The following TMEM266 variants were observed in gnomAD, a reference collection of about 807,000 sequenced individuals.
TMEM266 encodes transmembrane protein 266.
Under a neutral mutation model 50.5 loss-of-function variants are expected in TMEM266, and 33 were observed. The ratio of observed to expected loss-of-function variants is 0.65; its 90% CI spans 0.50 to 0.87. TMEM266 has a LOEUF of 0.87. Among genes scored for constraint, TMEM266 ranks in the 40% least tolerant of loss-of-function variants. TMEM266 has a pLI of 0.00. For synonymous variants in TMEM266, 310 were observed against 292.3 expected, an observed-to-expected ratio of 1.06 and a Z score of -0.62; for missense variants, 655 against 695.1, an observed-to-expected ratio of 0.94 and a Z score of 0.65.
intron 1 of TMEM266, among the ~76,000 whole-genome samples, chr15:76,104,609 G>GTTC (rs2037054361): frequency 6.6e-6 from 1 of 152,050 alleles, no homozygotes; most frequent in Non-Finnish European, 1.5e-5. Context: ...ATGAGGTCAG[G>GTTC]AGATGGAGAC....
At chr15:76,081,202 C>A (rs1221088168) in intron 1 of TMEM266, among the ~76,000 whole-genome samples, 4 of 152,334 alleles carry the variant, frequency 2.6e-5, no homozygotes, top group African/African-American at 9.6e-5. Context: ...GAAGGCAAGT[C>A]TCCGTGTTAC....
chr15:76,116,227 G>A (rs1244412226), intron 1 of TMEM266, among the ~76,000 whole-genome samples: 1 of 151,806 alleles, frequency 6.6e-6, no homozygotes, highest in Non-Finnish European at 1.5e-5. Context: ...CAAGCTCCGG[G>A]AGACACACAC....
intron 1 of TMEM266, among the ~76,000 whole-genome samples, chr15:76,123,698 C>T (rs2037377400): frequency 6.6e-6 from 1 of 151,522 alleles, no homozygotes; most frequent in Non-Finnish European, 1.5e-5. Context: ...ATATGCCTAT[C>T]CCCAAGGGAT....
At chr15:76,135,112 G>A (rs1037878662) in intron 2 of TMEM266, among the ~76,000 whole-genome samples, 2 of 152,178 alleles carry the variant, frequency 1.3e-5, no homozygotes, top group Admixed American at 6.5e-5. Flanking sequence ...CTAACATCTC[G>A]TTGGCAAAAA....
At chr15:76,085,375 A>C (rs1383401602) in intron 1 of TMEM266, among the ~76,000 whole-genome samples, 1 of 151,756 alleles carries the variant, frequency 6.6e-6, no homozygotes, top group African/African-American at 2.4e-5. Flanking sequence ...CTCGTGCCTC[A>C]GCCTCCTGAG....
At chr15:76,096,322 T>C (rs1370775423) in intron 1 of TMEM266, among the ~76,000 whole-genome samples, 2 of 152,090 alleles carry the variant, frequency 1.3e-5, no homozygotes, top group African/African-American at 2.4e-5. Flanking sequence ...TTCGTTCTCA[T>C]TGGTTTCAAA....
chr15:76,200,088 C>G (rs2038721349), intron 9 of TMEM266, among the ~76,000 whole-genome samples: 1 of 152,172 alleles, frequency 6.6e-6, no homozygotes. Context: ...TCCCCGCAGA[C>G]AGGGACTCCT....
chr15:76,169,747 T>C lies in TMEM266; in HGVS notation c.457-69T>C. On this transcript the variant is annotated intron_variant, in intron 5 of 10. Transcript: ENST00000388942. ...AATGCAGAAGCAGAGCTCTGAGTGC[T>C]GAGCTCTGGAATCTTCTCGGCTGGA... 2.0e-6 allele frequency: 3 copies of C among 1,496,530 alleles called. No individual in the cohort carries two copies. The South Asian group carries it at 3.4e-5, about 17-fold the overall frequency. The allele number at this position is 1,496,530 out of a possible 1,614,324, so 92.7% of individuals were successfully genotyped here. A position where few individuals can be genotyped will look rare whatever the true frequency, so the allele number is the denominator to read the frequency against.
chr15:76,195,476 T>G (rs1187273454), intron 9 of TMEM266, among the ~76,000 whole-genome samples: 1 of 152,258 alleles, frequency 6.6e-6, no homozygotes, highest in Admixed American at 6.5e-5. Context: ...ATCCACCTTC[T>G]TATTCTTTTT....
At chr15:76,114,149 T>C (rs1392387993) in intron 1 of TMEM266, 1 of 152,186 alleles carries the variant, frequency 6.6e-6, no homozygotes, top group Non-Finnish European at 1.5e-5. Context: ...TTAGACAGTA[T>C]AGAAAAATAT....
chr15:76,179,215 G>A (rs1173257076), intron 8 of TMEM266, among the ~76,000 whole-genome samples: 3 of 152,168 alleles, frequency 2.0e-5, no homozygotes. Context: ...TTGTGGCTTT[G>A]GGCATTAATG....
chr15:76,135,712 A>G (rs1485882949), intron 2 of TMEM266, among the ~76,000 whole-genome samples: 1 of 152,258 alleles, frequency 6.6e-6, no homozygotes, highest in Non-Finnish European at 1.5e-5. Context: ...ATGTCAAGCA[A>G]TGATGAGTAC....
intron 1 of TMEM266, among the ~76,000 whole-genome samples, chr15:76,103,276 G>T (rs2037032105): frequency 6.6e-6 from 1 of 152,058 alleles, no homozygotes; most frequent in Non-Finnish European, 1.5e-5. Context: ...GCCAAGGCAG[G>T]AGGATTGCTT....
rs1020978233 is a variant in TMEM266 at position 76,161,932 on chromosome 15, C to T, written c.456+1764C>T. On this transcript the variant is annotated intron_variant, in intron 5 of 10. Coordinates refer to ENST00000388942, the MANE Select transcript of TMEM266 (RefSeq NM_152335.3). The surrounding 1 kb of genome is among the most constrained non-coding windows in gnomAD (Gnocchi z 4.1). ...AACAAAAATGTTTAATCAGTTGCTG[C>T]GGTTCTTCCCCTCTATCCCTCTGCT... Among the ~76,000 whole-genome samples, 1 of 152,270 alleles carries T rather than the reference C, an allele frequency of 6.6e-6. No homozygotes were observed. Among genetic ancestry groups the T allele is most frequent in the Non-Finnish European group, 1.5e-5 (1 of 68,048 alleles).
rs2142044982 is a variant in TMEM266, at chr15:76,153,908, G to A, written c.228-2696G>A. 6.6e-6 allele frequency among the ~76,000 whole-genome samples: 1 copy of A among 152,272 alleles called. No individual in the cohort carries two copies. The highest frequency in any genetic ancestry group is 1.9e-4 in the East Asian group (1 of 5,176). On this transcript the variant is annotated intron_variant, in intron 3 of 10. Transcript: ENST00000388942. This position sits in a 1 kb window ranked among gnomAD's most constrained non-coding sequence, Gnocchi z 4.2. ...CTGCGGGCAGCAGCTTTAGGCTTCT[G>A]GGAGCCTCCAGCCCAGCAGGGCCAA...
At chr15:76,177,830 CA>C (rs2038315852) in intron 8 of TMEM266, among the ~76,000 whole-genome samples, 2 of 152,242 alleles carry the variant, frequency 1.3e-5, no homozygotes, top group African/African-American at 4.8e-5. Context: ...CCCTCGTCCT[CA>C]CGGGGCTCTG....
Position 76,169,845 on chromosome 15 carries a change from C to T in TMEM266, c.486C>T (p.Ile162=). The change falls in exon 6 of 11, where the codon ATC becomes ATT. Residue 162 remains isoleucine, a synonymous_variant. Transcript: ENST00000388942. ...LGIWDYIENK[I]EVFDGAVIIL... ...TTCTACGGATTGTGGTGCTTGGGATCTGGGATTACATCGAAAACAAAATAG... is the reference window on the plus strand; with the variant it reads ...TTCTACGGATTGTGGTGCTTGGGATTTGGGATTACATCGAAAACAAAATAG... 6.2e-7 allele frequency: 1 copy of T among 1,613,952 alleles called. No homozygotes were observed. The highest frequency in any genetic ancestry group is 1.3e-5 in the African/African-American group (1 of 75,028).
chr15:76,160,002 G>A lies in TMEM266; in HGVS notation c.383-93G>A. 1 of 1,236,502 alleles carries A rather than the reference G, an allele frequency of 8.1e-7. No individual in the cohort carries two copies. Among genetic ancestry groups the A allele is most frequent in the East Asian group, 2.4e-5 (1 of 41,954 alleles). 76.6% of individuals were successfully genotyped at this position (1,236,502 alleles called of 1,614,324 possible). A position where few individuals can be genotyped will look rare whatever the true frequency, so the allele number is the denominator to read the frequency against. ...AAACGTTCATGCAGGCGGGCCCCGG[G>A]GTCCCAGAGGTCTGGACGGATGCTG... On this transcript the variant is annotated intron_variant, in intron 4 of 10. Transcript: ENST00000388942. The surrounding 1 kb of genome is among the most constrained non-coding windows in gnomAD (Gnocchi z 5.7).
intron 1 of TMEM266, among the ~76,000 whole-genome samples, chr15:76,088,163 T>C (rs889032155): frequency 5.9e-5 from 9 of 152,212 alleles, no homozygotes; most frequent in African/African-American, 1.7e-4. Context: ...TGTCTTCTAG[T>C]GGTTAGACCT....
Sources: gnomAD v4.1 joint callset for allele counts (sites outside exome capture counted in the v4.1 genomes callset) on GRCh38, gnomAD v4.1.1 for gene constraint, Gnocchi (gnomAD v3.1) non-coding constraint, MANE v1.5 for transcripts, NCBI Gene and HGNC (gene_info 2026-07-23, HGNC 2026-07-21) for gene names.